SGCD: variants seen among roughly 807,000 people sequenced by gnomAD.
The protein encoded by SGCD is sarcoglycan delta, also known as delta-sarcoglycan.
In SGCD, 18 loss-of-function variants were observed where a neutral mutation model predicts 36.6. The ratio of observed to expected loss-of-function variants is 0.49; its 90% CI spans 0.34 to 0.73. SGCD has a LOEUF of 0.73. Among genes scored for constraint, SGCD ranks in the 30% least tolerant of loss-of-function variants. SGCD has a pLI of 0.01. For missense variants in SGCD, 387 were observed against 346.7 expected (o/e 1.12, Z -0.92); for synonymous variants, 133 against 130.6 (o/e 1.02, Z -0.12).
intron 3 of SGCD, among the ~76,000 whole-genome samples, chr5:156,380,859 G>A (rs1770938220): frequency 6.6e-6 from 1 of 152,168 alleles, no homozygotes; most frequent in South Asian, 2.1e-4. Flanking sequence ...GCCAAGGCAT[G>A]GGATGTGATG....
At chr5:156,030,312 G>A (rs1241510476) in intron 1 of SGCD, among the ~76,000 whole-genome samples, 1 of 152,290 alleles carries the variant, frequency 6.6e-6, no homozygotes, top group Admixed American at 6.5e-5. Flanking sequence ...TTAAGGCGAG[G>A]TCATATTGGG....
At chr5:156,321,702 A>G (rs995261742) in intron 3 of SGCD, among the ~76,000 whole-genome samples, 1 of 152,124 alleles carries the variant, frequency 6.6e-6, no homozygotes, top group Non-Finnish European at 1.5e-5. Flanking sequence ...CTCAATCTGG[A>G]AAATATCTAT....
intron 3 of SGCD, among the ~76,000 whole-genome samples, chr5:156,354,860 G>T (rs1469425579): frequency 1.3e-5 from 2 of 152,054 alleles, no homozygotes; most frequent in Non-Finnish European, 2.9e-5. Context: ...ACAGGGGTGG[G>T]GTTAGGTGAT....
chr5:156,527,509 A>G (rs960301184), intron 4 of SGCD, among the ~76,000 whole-genome samples: 2 of 152,188 alleles, frequency 1.3e-5, no homozygotes, highest in Non-Finnish European at 2.9e-5. Flanking sequence ...GCCTAGTGTT[A>G]GAGAAAGTAC....
At chr5:156,152,138 A>AC in intron 3 of SGCD, among the ~76,000 whole-genome samples, 4 of 151,750 alleles carry the variant, frequency 2.6e-5, no homozygotes, top group African/African-American at 9.7e-5. Context: ...GTGAGTTAAA[A>AC]AAAAACAAAA....
At chr5:156,565,012 G>A (rs1467310668) in intron 4 of SGCD, among the ~76,000 whole-genome samples, 2 of 152,152 alleles carry the variant, frequency 1.3e-5, no homozygotes. Context: ...CTCCTAGCCT[G>A]TAAACAAGGA....
chr5:156,357,507 A>G (rs1276246530), intron 3 of SGCD, among the ~76,000 whole-genome samples: 6 of 152,214 alleles, frequency 3.9e-5, no homozygotes, highest in Admixed American at 6.5e-5. Flanking sequence ...AGGAATGGGC[A>G]TTTTAAAATG....
At chr5:156,021,618 G>A (rs1338591141) in intron 1 of SGCD, among the ~76,000 whole-genome samples, 1 of 152,196 alleles carries the variant, frequency 6.6e-6, no homozygotes, top group Non-Finnish European at 1.5e-5. Context: ...AAAGTCACAT[G>A]AAAGCTGCAA....
intron 3 of SGCD, among the ~76,000 whole-genome samples, chr5:156,464,678 TAGG>T (rs1754646885): frequency 1.3e-5 from 2 of 152,306 alleles, no homozygotes; most frequent in South Asian, 4.1e-4. Context: ...ATCCCACTTT[TAGG>T]AGAAAACTGG....
chr5:155,768,395 C>T, the SGCD span, among the ~76,000 whole-genome samples: 4 of 151,928 alleles, frequency 2.6e-5, no homozygotes, highest in Non-Finnish European at 4.4e-5. Flanking sequence ...GTTGAGCATC[C>T]ACTCTGTATT....
At chr5:155,955,307 A>C (rs1757628692) in intron 1 of SGCD, among the ~76,000 whole-genome samples, 1 of 152,176 alleles carries the variant, frequency 6.6e-6, no homozygotes, top group Admixed American at 6.5e-5. Context: ...TGAATTCAAT[A>C]AATTTGAAGT....
chr5:156,042,120 C>A (rs1373032814), intron 1 of SGCD, among the ~76,000 whole-genome samples: 1 of 152,046 alleles, frequency 6.6e-6, no homozygotes, highest in Non-Finnish European at 1.5e-5. Context: ...CACAAGTAGA[C>A]TGTTTCCTCC....
chr5:156,646,648 G>A (rs543914315), intron 6 of SGCD, among the ~76,000 whole-genome samples: 40 of 152,242 alleles, frequency 2.6e-4, no homozygotes, highest in Middle Eastern at 3.4e-3. Flanking sequence ...GTATAAAAAA[G>A]AAACACCTTT....
chr5:155,774,385 C>T, the SGCD span, among the ~76,000 whole-genome samples: 2 of 152,132 alleles, frequency 1.3e-5, no homozygotes, highest in Non-Finnish European at 2.9e-5. Flanking sequence ...TTCCCTTTGT[C>T]CTTGTTGTGG....
In SGCD at chr5:156,079,872, C is replaced by T. The variant is rs80095347; in HGVS notation, c.-281-38006C>T. On this transcript the variant is annotated intron_variant, in intron 1 of 9. Transcript: ENST00000517913. ...TCTACCATTTTGGAATATGGAGGACCGTGGCCTCATTCCCACAGCTCCACT... is the reference window on the plus strand; with the variant it reads ...TCTACCATTTTGGAATATGGAGGACTGTGGCCTCATTCCCACAGCTCCACT... Among the ~76,000 whole-genome samples the T allele has an allele frequency of 5.5e-3, 837 of 152,268 alleles. 6 individuals are homozygous for T. The highest frequency in any genetic ancestry group is 0.019 in the African/African-American group (804 of 41,544).
intron 3 of SGCD, among the ~76,000 whole-genome samples, chr5:156,406,833 CACACACACAT>C (rs1393747958): frequency 9.4e-6 from 1 of 106,816 alleles, no homozygotes; most frequent in African/African-American, 3.9e-5. Flanking sequence ...CACACACACA[CACACACACAT>C]ATATATGTGT....
intron 3 of SGCD, among the ~76,000 whole-genome samples, chr5:156,372,328 G>T (rs1003628835): frequency 3.9e-5 from 6 of 152,102 alleles, no homozygotes; most frequent in Non-Finnish European, 8.8e-5. Flanking sequence ...TTTTACTTTG[G>T]TGCAGCTTTT....
chr5:156,447,514 C>T (rs1298358395), intron 3 of SGCD, among the ~76,000 whole-genome samples: 1 of 152,082 alleles, frequency 6.6e-6, no homozygotes, highest in Non-Finnish European at 1.5e-5. Context: ...AATATAAATA[C>T]CCTATTGGGA....
intron 7 of SGCD, among the ~76,000 whole-genome samples, chr5:156,673,101 A>G (rs984029180): frequency 3.9e-5 from 6 of 152,294 alleles, no homozygotes; most frequent in East Asian, 3.9e-4. Flanking sequence ...TTCAAGTTAG[A>G]TGAATCATTA....
Sources: gnomAD v4.1 joint callset for allele counts (sites outside exome capture counted in the v4.1 genomes callset) on GRCh38, gnomAD v4.1.1 for gene constraint, MANE v1.5 for transcripts, NCBI Gene and HGNC (gene_info 2026-07-23, HGNC 2026-07-21) for gene names.